Variants in SENP3 observed in about 807,000 individuals in gnomAD.
SENP3 encodes the protein sentrin-specific protease 3.
In SENP3, 11 loss-of-function variants were observed where a neutral mutation model predicts 66.2. The ratio of observed to expected loss-of-function variants is 0.17; its 90% CI spans 0.10 to 0.28. The LOEUF is 0.28. SENP3 is among the 10% of genes least tolerant of loss of function. The pLI is 1.00. For missense variants in SENP3, 548 were observed against 743.7 expected (o/e 0.74, Z 3.06); for synonymous variants, 292 against 277.6 (o/e 1.05, Z -0.52).
Position 7,562,147 on chromosome 17 carries a change from T to C in SENP3, c.-128T>C, listed in dbSNP as rs1464134093. 1.3e-5 allele frequency: 5 copies of C among 397,856 alleles called. No homozygotes were observed. The highest frequency in any genetic ancestry group is 2.2e-5 in the Non-Finnish European group (5 of 225,832). 24.6% of individuals were successfully genotyped at this position (397,856 alleles called of 1,614,324 possible). A position where few individuals can be genotyped will look rare whatever the true frequency, so the allele number is the denominator to read the frequency against. On this transcript the variant is annotated 5_prime_UTR_variant, in exon 1 of 11. Transcript: ENST00000321337. The surrounding 1 kb of genome is among the most constrained non-coding windows in gnomAD (Gnocchi z 5.0). ...CGTTGGAATCCTGAATTGAGACGGCTGCGCCTAAAGACAGCAGGAGTGGCG... is the reference window on the plus strand; with the variant it reads ...CGTTGGAATCCTGAATTGAGACGGCCGCGCCTAAAGACAGCAGGAGTGGCG...
rs1020686369 is a variant in SENP3 at position 7,564,751 on chromosome 17, C to T, written c.842C>T (p.Ala281Val). The T allele has an allele frequency of 6.2e-7, 1 of 1,613,998 alleles. No individual in the cohort carries two copies. Among genetic ancestry groups the T allele is most frequent in the East Asian group, 2.2e-5 (1 of 44,884 alleles). ...GTGTGCAGCATCGGGGACCATGTGG[C>T]CCAGGAGCTTTTTCAGGGCTCAGAT... ...SNVCSIGDHV[A>V]QELFQGSDLG... The change falls in exon 3 of 11, where the codon GCC (alanine) becomes GTC (valine). Residue 281 changes from alanine (A) to valine (V), a missense_variant. This residue lies in a region of SENP3 where 215 missense variants were observed against 230.7 expected (regional missense o/e 0.93). Transcript: ENST00000321337.
rs1425035354 is a variant in SENP3 at position 7,562,594 on chromosome 17, C to A, written c.-12+331C>A. Among the ~76,000 whole-genome samples, 1 of 152,242 alleles carries A rather than the reference C, an allele frequency of 6.6e-6. No homozygotes were observed. The highest frequency in any genetic ancestry group is 1.5e-5 in the Non-Finnish European group (1 of 68,042). ...TCCCTGGCATCTGCACTTGAGATGA[C>A]CGCAGCCTTCCCATGCCCCCCGTTC... On this transcript the variant is annotated intron_variant, in intron 1 of 10. Transcript: ENST00000321337. This position sits in a 1 kb window ranked among gnomAD's most constrained non-coding sequence, Gnocchi z 5.0.
At chr17:7,564,353 T>C in intron 2 of SENP3, 2 of 591,866 alleles carry the variant, frequency 3.4e-6, no homozygotes, top group Non-Finnish European at 6.2e-6. Flanking sequence ...TGGTGACAAA[T>C]ATCCCGAAGT....
At position 7,562,791 on chromosome 17, in the gene SENP3, A is replaced by G. The variant is rs2071230498; in HGVS notation, c.-11-275A>G. ...TAAAGACGTAGAACCTGGCAGTGCT[A>G]TTGGGTTTGGCCTGGTGATCTTAGA... On this transcript the variant is annotated intron_variant, in intron 1 of 10. Coordinates refer to ENST00000321337, the MANE Select transcript of SENP3 (RefSeq NM_015670.6). The surrounding 1 kb of genome is among the most constrained non-coding windows in gnomAD (Gnocchi z 5.0). 6.6e-6 allele frequency among the ~76,000 whole-genome samples: 1 copy of G among 152,162 alleles called. No individual in the cohort carries two copies. The highest frequency in any genetic ancestry group is 2.4e-5 in the African/African-American group (1 of 41,442).
At chr17:7,569,380 G>A (rs567253568) in intron 7 of SENP3, among the ~76,000 whole-genome samples, 17 of 37,410 alleles carry the variant, frequency 4.5e-4, no homozygotes, top group East Asian at 3.9e-3. Context: ...GCAAGACTCC[G>A]TCTCAAAAAA....
chr17:7,570,385 A>C lies in SENP3; in HGVS notation c.1371A>C (p.Leu457=). 6.2e-7 allele frequency: 1 copy of C among 1,613,928 alleles called. No homozygotes were observed. Among genetic ancestry groups the C allele is most frequent in the African/African-American group, 1.3e-5 (1 of 75,034 alleles). ...ACATCTTCAATAAGGAGCTACTGCT[A>C]ATCCCCATCCACCTGGAGGTGCATT... The part of the protein sequence containing the change: ...NVDIFNKELL[L]IPIHLEVHWS... Residue 457 remains leucine (L), a synonymous_variant, in exon 8 of 11, where the codon CTA becomes CTC. Transcript: ENST00000321337. This position sits in a 1 kb window ranked among gnomAD's most constrained non-coding sequence, Gnocchi z 5.4.
At chr17:7,567,790 G>A (rs912769565) in intron 7 of SENP3, among the ~76,000 whole-genome samples, 5 of 152,046 alleles carry the variant, frequency 3.3e-5, no homozygotes, top group Admixed American at 6.6e-5. Context: ...AGACATGTAC[G>A]GTAGGCTGAG....
rs2071329275 is a variant in SENP3, at chr17:7,571,925, C to T, written c.*442C>T. ...TATATATATAAAAATATATAAATGC[C>T]ACGGTCCTGCTCTGGTCAATAAAGG... On this transcript the variant is annotated 3_prime_UTR_variant, in exon 11 of 11. Transcript: ENST00000321337. The T allele has an allele frequency of 9.2e-6, 1 of 108,506 alleles. No individual in the cohort carries two copies. The highest frequency in any genetic ancestry group is 1.1e-4 in the Admixed American group (1 of 9,360). The allele number at this position is 108,506 out of a possible 1,614,324, so 6.7% of individuals were successfully genotyped here.
At chr17:7,566,807 C>CA (rs974781500) in intron 6 of SENP3, 120 bp from the exon 7 acceptor site, 7,455 of 615,980 alleles carry the variant, frequency 0.012, 25 homozygotes, top group African/African-American at 0.03. Context: ...CTGTCTCTAC[C>CA]AAAAAAAAAA....
rs1363496763 is a variant in SENP3, at chr17:7,571,902, T to A, written c.*419T>A. 4.0e-3 allele frequency: 54 copies of A among 13,382 alleles called. 4 individuals are homozygous for A. The highest frequency in any genetic ancestry group is 6.4e-3 in the Non-Finnish European group (37 of 5,752). The allele number at this position is 13,382 out of a possible 1,614,324, so 0.8% of individuals were successfully genotyped here. ...ATATATATATATATATATATATATA[T>A]ATATATAAAAATATATAAATGCCAC... On this transcript the variant is annotated 3_prime_UTR_variant, in exon 11 of 11. Coordinates refer to ENST00000321337, the MANE Select transcript of SENP3 (RefSeq NM_015670.6).
chr17:7,563,052 C>T lies in SENP3; in HGVS notation c.-11-14C>T. ...GATGCTTAGATTTTGATACCCTGAT[C>T]TTTTGTTTTTCAGGGTACTGGAAGA... On this transcript the variant is annotated splice_polypyrimidine_tract_variant and intron_variant, in intron 1 of 10. Transcript: ENST00000321337. The T allele has an allele frequency of 2.8e-6, 4 of 1,452,708 alleles. No individual in the cohort carries two copies. The highest frequency in any genetic ancestry group is 3.6e-6 in the Non-Finnish European group (4 of 1,103,484). The allele number at this position is 1,452,708 out of a possible 1,614,324, so 90.0% of individuals were successfully genotyped here.
intron 7 of SENP3, among the ~76,000 whole-genome samples, chr17:7,568,336 G>A (rs538963220): frequency 5.9e-5 from 9 of 152,364 alleles, no homozygotes; most frequent in East Asian, 3.9e-4. Context: ...GGCGGCTCAC[G>A]CCTGTACTCC....
In SENP3 at chr17:7,564,622, T is replaced by C; in HGVS notation, c.716-3T>C. On this transcript the variant is annotated splice_region_variant and splice_polypyrimidine_tract_variant and intron_variant, in intron 2 of 10. Coordinates refer to ENST00000321337, the MANE Select transcript of SENP3 (RefSeq NM_015670.6). ...TGCCCATTCCATTTCCCCTGCCCTATAGGCCTCCTTTCATGTACTCTGCCC... is the reference window on the plus strand; with the variant it reads ...TGCCCATTCCATTTCCCCTGCCCTACAGGCCTCCTTTCATGTACTCTGCCC... 1 of 1,613,990 alleles carries C rather than the reference T, an allele frequency of 6.2e-7. No homozygotes were observed.
Position 7,561,985 on chromosome 17 carries a change from G to T in SENP3, c.-290G>T, listed in dbSNP as rs1008259927. On this transcript the variant is annotated 5_prime_UTR_variant, in exon 1 of 11. Transcript: ENST00000321337. This position sits in a 1 kb window ranked among gnomAD's most constrained non-coding sequence, Gnocchi z 4.4. ...GGCTCGCGGGAGGGGAAGGAGGAGG[G>T]GGGGAGGAGTGGCGGCGGCGGCGGT... 7.5e-6 allele frequency: 3 copies of T among 399,172 alleles called. No individual in the cohort carries two copies. The highest frequency in any genetic ancestry group is 1.3e-5 in the Non-Finnish European group (3 of 226,550). 24.7% of individuals were successfully genotyped at this position (399,172 alleles called of 1,614,324 possible). A position where few individuals can be genotyped will look rare whatever the true frequency, so the allele number is the denominator to read the frequency against.
At position 7,571,553 on chromosome 17, in the gene SENP3, A is replaced by T. The variant is rs888295387; in HGVS notation, c.*70A>T. 9.6e-7 allele frequency: 1 copy of T among 1,041,952 alleles called. No individual in the cohort carries two copies. Among genetic ancestry groups the T allele is most frequent in the Admixed American group, 1.8e-5 (1 of 54,492 alleles). 64.5% of individuals were successfully genotyped at this position (1,041,952 alleles called of 1,614,324 possible). ...TGGGAGTCCCTTCCCAAGAAACTCC[A>T]GTTCCTTTCCTCTCTTGCCTCTTCC... On this transcript the variant is annotated 3_prime_UTR_variant, in exon 11 of 11. Coordinates refer to ENST00000321337, the MANE Select transcript of SENP3 (RefSeq NM_015670.6).
At position 7,562,046 on chromosome 17, in the gene SENP3, A is replaced by C. The variant is rs983322683; in HGVS notation, c.-229A>C. 1.5e-4 allele frequency: 60 copies of C among 400,646 alleles called. No homozygotes were observed. Among genetic ancestry groups the C allele is most frequent in the African/African-American group, 1.2e-3 (58 of 48,356 alleles). The allele number at this position is 400,646 out of a possible 1,614,324, so 24.8% of individuals were successfully genotyped here. The stretch of plus-strand genomic sequence containing the variant: ...GCGGCGGTGGCGGAGGTGGAGGTGG[A>C]GGTGGAAGCTGAAGCTGAAGCAGAG... On this transcript the variant is annotated 5_prime_UTR_variant, in exon 1 of 11. Coordinates refer to ENST00000321337, the MANE Select transcript of SENP3 (RefSeq NM_015670.6). The surrounding 1 kb of genome is among the most constrained non-coding windows in gnomAD (Gnocchi z 5.0).
At chr17:7,566,539 A>G (rs1441164159) in intron 6 of SENP3, among the ~76,000 whole-genome samples, 3 of 137,806 alleles carry the variant, frequency 2.2e-5, no homozygotes, top group African/African-American at 5.5e-5. Flanking sequence ...AGTGGCGGGT[A>G]CCTGTAGTCC....
In SENP3 at chr17:7,566,817, A is replaced by AT. The variant is rs1361030909; in HGVS notation, c.1264-110_1264-109insT. ...AGACCCTGTCTCTACCAAAAAAAAAAGAAAAAACCCAGAATTTGTTTTTAC... is the reference window on the plus strand; with the variant it reads ...AGACCCTGTCTCTACCAAAAAAAAAATGAAAAAACCCAGAATTTGTTTTTAC... On this transcript the variant is annotated intron_variant, in intron 6 of 10. Coordinates refer to ENST00000321337, the MANE Select transcript of SENP3 (RefSeq NM_015670.6). The AT allele has an allele frequency of 6.0e-6, 5 of 834,592 alleles. No individual in the cohort carries two copies. In the Admixed American group the frequency reaches 1.2e-4, roughly 19 times the overall value. The allele number at this position is 834,592 out of a possible 1,614,324, so 51.7% of individuals were successfully genotyped here.
At position 7,570,628 on chromosome 17, in the gene SENP3, T is replaced by C. The variant is rs2150921569; in HGVS notation, c.1480-53T>C. ...TCTGCCAGCACTGTACCCACCATAC[T>C]GTGTTCAATTGAGAAACTTAGGGCA... On this transcript the variant is annotated intron_variant, in intron 8 of 10. Transcript: ENST00000321337. The surrounding 1 kb of genome is among the most constrained non-coding windows in gnomAD (Gnocchi z 5.4). The C allele has an allele frequency of 3.8e-6, 6 of 1,587,996 alleles. No homozygotes were observed. In the South Asian group the frequency reaches 6.8e-5, roughly 18 times the overall value.
Sources: allele counts gnomAD v4.1 joint callset (sites outside exome capture counted in the v4.1 genomes callset), GRCh38; gene constraint gnomAD v4.1.1; regional missense constraint gnomAD v4.1.1; non-coding constraint Gnocchi (gnomAD v3.1); transcripts MANE v1.5; gene names NCBI Gene and HGNC (gene_info 2026-07-23, HGNC 2026-07-21).